HPSE2: variants seen among roughly 807,000 people sequenced by gnomAD.
HPSE2 encodes the protein heparanase 2 (inactive).
A neutral mutation model predicts 60.5 loss-of-function variants in HPSE2; 38 were observed. The ratio of observed to expected loss-of-function variants is 0.63; its 90% CI spans 0.48 to 0.82. The LOEUF (loss-of-function observed/expected upper bound fraction) is 0.82, where lower values mean the gene tolerates loss of function less well. HPSE2 is among the 40% of genes least tolerant of loss of function. The pLI is 0.00. For missense variants in HPSE2, 713 were observed against 740.4 expected (o/e 0.96, Z 0.43); for synonymous variants, 295 against 293.2 (o/e 1.01, Z -0.06).
At chr10:98,965,620 C>G (rs75428884) in intron 3 of HPSE2, among the ~76,000 whole-genome samples, 10,956 of 152,134 alleles carry the variant, frequency 0.072, 686 homozygotes, top group African/African-American at 0.16. Flanking sequence ...TCTTGTGCCT[C>G]TCCTCTACAC....
At chr10:99,280,546 A>C in the HPSE2 span, among the ~76,000 whole-genome samples, 6 of 152,294 alleles carry the variant, frequency 3.9e-5, no homozygotes, top group Non-Finnish European at 7.3e-5. Flanking sequence ...ACAACGACAG[A>C]ATTTCCCCTT....
chr10:99,304,852 T>C, the HPSE2 span, among the ~76,000 whole-genome samples: 3 of 152,132 alleles, frequency 2.0e-5, no homozygotes, highest in Non-Finnish European at 4.4e-5. Context: ...AGTGACAAAA[T>C]AGAAGATTTA....
intron 9 of HPSE2, among the ~76,000 whole-genome samples, chr10:98,562,278 C>T (rs1330624181): frequency 6.6e-6 from 1 of 152,138 alleles, no homozygotes; most frequent in Non-Finnish European, 1.5e-5. Context: ...CTATGATGTT[C>T]ACACAAACAA....
chr10:98,960,614 C>A (rs1455700870), intron 3 of HPSE2, among the ~76,000 whole-genome samples: 1 of 150,510 alleles, frequency 6.6e-6, no homozygotes, highest in Non-Finnish European at 1.5e-5. Flanking sequence ...GCTAATCTAT[C>A]CCTCCTCTAT....
chr10:98,860,158 C>T (rs1183118878), intron 3 of HPSE2, among the ~76,000 whole-genome samples: 1 of 151,984 alleles, frequency 6.6e-6, no homozygotes, highest in Non-Finnish European at 1.5e-5. Flanking sequence ...CTATATATTC[C>T]CTATTTATTC....
intron 3 of HPSE2, among the ~76,000 whole-genome samples, chr10:98,998,204 A>G (rs1039304155): frequency 1.7e-4 from 26 of 152,222 alleles, no homozygotes; most frequent in Admixed American, 7.9e-4. Flanking sequence ...GCAAATAGAA[A>G]AGAGAAAGTT....
At chr10:98,720,301 G>A (rs939591916) in intron 5 of HPSE2, among the ~76,000 whole-genome samples, 2 of 151,948 alleles carry the variant, frequency 1.3e-5, no homozygotes, top group African/African-American at 4.8e-5. Flanking sequence ...TGGGGGATAA[G>A]AGGAAACATA....
intron 9 of HPSE2, among the ~76,000 whole-genome samples, chr10:98,566,396 C>A (rs990285530): frequency 1.3e-5 from 2 of 152,118 alleles, no homozygotes; most frequent in African/African-American, 4.8e-5. Flanking sequence ...AAGGGATGAT[C>A]TTTGAACAGG....
chr10:99,207,663 CAT>C (rs1390248528), intron 2 of HPSE2, among the ~76,000 whole-genome samples: 1 of 151,994 alleles, frequency 6.6e-6, no homozygotes, highest in Non-Finnish European at 1.5e-5. Context: ...ATAAACATAA[CAT>C]GTGGAGGGAG....
intron 3 of HPSE2, among the ~76,000 whole-genome samples, chr10:98,815,807 CTA>C (rs1331168720): frequency 6.6e-6 from 1 of 151,964 alleles, no homozygotes; most frequent in Admixed American, 6.6e-5. Flanking sequence ...CCCTATCGTT[CTA>C]TGTTAGAGTT....
chr10:98,725,165 G>A (rs1311173620), intron 4 of HPSE2, among the ~76,000 whole-genome samples: 1 of 152,098 alleles, frequency 6.6e-6, no homozygotes, highest in Non-Finnish European at 1.5e-5. Context: ...AACCAAAAAA[G>A]AGCCCACATT....
Position 98,793,629 on chromosome 10 carries a change from T to C in HPSE2, c.611-49573A>G, listed in dbSNP as rs11189818. Among the ~76,000 whole-genome samples, 21 of 152,338 alleles carry C rather than the reference T, an allele frequency of 1.4e-4. No homozygotes were observed. In the East Asian group the frequency reaches 4.1e-3, roughly 29 times the overall value. The stretch of plus-strand genomic sequence containing the variant: ...TAAACAACATACATTAAGATAGTGA[T>C]AAGTCACATGAAGATAAGAAAACAG... On this transcript the variant is annotated intron_variant, in intron 3 of 11. Transcript: ENST00000370552.
chr10:98,816,528 G>A (rs1951294346), intron 3 of HPSE2, among the ~76,000 whole-genome samples: 1 of 152,162 alleles, frequency 6.6e-6, no homozygotes, highest in Non-Finnish European at 1.5e-5. Flanking sequence ...AAAGTAGAGT[G>A]GGTAGATTGT....
chr10:99,235,502 C>T lies in HPSE2; in HGVS notation c.290+11G>A. ...AAAATTTTAAATGATCCATCGAAAC[C>T]CCTGCCTTACCTTAGGAAATCGAGC... On this transcript the variant is annotated intron_variant, in intron 1 of 11. Transcript: ENST00000370552. The T allele has an allele frequency of 1.2e-6, 2 of 1,613,900 alleles. No individual in the cohort carries two copies. Among genetic ancestry groups the T allele is most frequent in the Non-Finnish European group, 1.7e-6 (2 of 1,179,940 alleles).
At chr10:98,926,224 A>G (rs984609052) in intron 3 of HPSE2, among the ~76,000 whole-genome samples, 9 of 152,174 alleles carry the variant, frequency 5.9e-5, no homozygotes, top group African/African-American at 9.7e-5. Flanking sequence ...ATTGGAAAAT[A>G]CATCATTTTT....
intron 3 of HPSE2, among the ~76,000 whole-genome samples, chr10:98,971,437 C>T (rs1955950091): frequency 6.6e-6 from 1 of 152,136 alleles, no homozygotes; most frequent in Admixed American, 6.5e-5. Context: ...ATAACACATT[C>T]ATATCCCCAT....
intron 9 of HPSE2, among the ~76,000 whole-genome samples, chr10:98,543,086 G>A (rs376794000): frequency 0.046 from 6,928 of 152,068 alleles, 160 homozygotes; most frequent in South Asian, 0.082. Flanking sequence ...GAGAAAGGTC[G>A]GGTTACCCTC....
intron 3 of HPSE2, among the ~76,000 whole-genome samples, chr10:98,958,794 A>G (rs1486973330): frequency 2.0e-5 from 3 of 152,164 alleles, no homozygotes; most frequent in African/African-American, 7.2e-5. Context: ...CTTAAGCTAC[A>G]TTAATATTAA....
chr10:98,527,659 C>G (rs552771955), intron 9 of HPSE2, among the ~76,000 whole-genome samples: 1 of 152,234 alleles, frequency 6.6e-6, no homozygotes, highest in Admixed American at 6.5e-5. Context: ...CTTATTTATC[C>G]AGTTACTTAT....
Sources: gnomAD v4.1 joint callset for allele counts (sites outside exome capture counted in the v4.1 genomes callset) on GRCh38, gnomAD v4.1.1 for gene constraint, MANE v1.5 for transcripts, NCBI Gene and HGNC (gene_info 2026-07-23, HGNC 2026-07-21) for gene names.